The following ANKS1B variants were observed in gnomAD, a reference collection of about 807,000 sequenced individuals.
The protein encoded by ANKS1B is ankyrin repeat and sterile alpha motif domain-containing protein 1B.
In ANKS1B, 36 loss-of-function variants were observed where a neutral mutation model predicts 148.3. That is an observed-to-expected ratio of 0.24 (90% confidence interval 0.19 to 0.32). The LOEUF is 0.32. Ranked by LOEUF, ANKS1B falls within the 10% of genes least tolerant of loss-of-function variation. The pLI, the probability that ANKS1B is intolerant of heterozygous loss-of-function variation, is 1.00. For missense variants in ANKS1B, 1,157 were observed against 1,542.6 expected, an observed-to-expected ratio of 0.75 and a Z score of 4.19; for synonymous variants, 542 against 560.8, an observed-to-expected ratio of 0.97 and a Z score of 0.47.
At chr12:99,608,981 C>G (rs2097875699) in intron 9 of ANKS1B, among the ~76,000 whole-genome samples, 1 of 151,970 alleles carries the variant, frequency 6.6e-6, no homozygotes, top group Non-Finnish European at 1.5e-5. Flanking sequence ...AGGAGTCAAT[C>G]TGGGGAGATC....
chr12:99,044,685 C>T (rs7311721), intron 17 of ANKS1B, among the ~76,000 whole-genome samples: 85,961 of 151,886 alleles, frequency 0.57, 25,223 homozygotes, highest in East Asian at 0.74. Context: ...CAGCTCCCAG[C>T]GTAACTCTGG....
chr12:99,835,290 G>C (rs1023529411), intron 1 of ANKS1B, among the ~76,000 whole-genome samples: 4 of 151,266 alleles, frequency 2.6e-5, no homozygotes, highest in African/African-American at 4.9e-5. Context: ...AATTAGCCAG[G>C]CATGGTGGCA....
intron 12 of ANKS1B, among the ~76,000 whole-genome samples, chr12:99,378,499 C>CA (rs1346555608): frequency 6.6e-6 from 1 of 151,452 alleles, no homozygotes; most frequent in African/African-American, 2.4e-5. Context: ...ACTAAAAATA[C>CA]AAAAAATTAG....
chr12:98,835,183 C>A (rs1215131690), intron 17 of ANKS1B, among the ~76,000 whole-genome samples: 2 of 151,810 alleles, frequency 1.3e-5, no homozygotes, highest in African/African-American at 4.8e-5. Context: ...TGATGTAATC[C>A]CCACTATTGC....
intron 9 of ANKS1B, among the ~76,000 whole-genome samples, chr12:99,578,913 C>G (rs2097543571): frequency 6.6e-6 from 1 of 151,984 alleles, no homozygotes; most frequent in Non-Finnish European, 1.5e-5. Flanking sequence ...ACAAAAAGAA[C>G]AATGCCAGTG....
intron 14 of ANKS1B, among the ~76,000 whole-genome samples, chr12:99,156,761 A>G (rs1601228261): frequency 1.3e-5 from 2 of 152,142 alleles, no homozygotes; most frequent in African/African-American, 2.4e-5. Context: ...ATTGTAACAG[A>G]TATTTTCTGC....
intron 1 of ANKS1B, among the ~76,000 whole-genome samples, chr12:99,839,619 T>C (rs2085385378): frequency 6.6e-6 from 1 of 152,168 alleles, no homozygotes; most frequent in Non-Finnish European, 1.5e-5. Context: ...ACATAGTGAA[T>C]ACTATGTGCC....
At chr12:99,258,615 T>TTG (rs1566753485) in intron 12 of ANKS1B, among the ~76,000 whole-genome samples, 1 of 150,884 alleles carries the variant, frequency 6.6e-6, no homozygotes, top group African/African-American at 2.4e-5. Context: ...CACTTGTTTT[T>TTG]TTTTTTTTTT....
chr12:99,567,603 T>A (rs921227883), intron 9 of ANKS1B, among the ~76,000 whole-genome samples: 2 of 151,956 alleles, frequency 1.3e-5, no homozygotes, highest in South Asian at 2.1e-4. Context: ...GAAAAGTGGG[T>A]AAGAAAAGGT....
intron 4 of ANKS1B, among the ~76,000 whole-genome samples, chr12:99,798,617 C>T (rs1265611993): frequency 2.0e-5 from 3 of 151,314 alleles, no homozygotes; most frequent in Non-Finnish European, 4.4e-5. Context: ...GAAGAGAGTG[C>T]CAAAGAATAA....
chr12:99,079,575 A>T (rs1469278035), intron 16 of ANKS1B, among the ~76,000 whole-genome samples: 1 of 152,182 alleles, frequency 6.6e-6, no homozygotes, highest in Non-Finnish European at 1.5e-5. Context: ...GTCATCAAAT[A>T]TTTTTGGGTT....
At chr12:99,241,906 ATAAGAG>A (rs2089412541) in intron 14 of ANKS1B, among the ~76,000 whole-genome samples, 1 of 152,214 alleles carries the variant, frequency 6.6e-6, no homozygotes, top group Non-Finnish European at 1.5e-5. Flanking sequence ...TCTCAAAATA[ATAAGAG>A]CTATTTATGA....
intron 17 of ANKS1B, among the ~76,000 whole-genome samples, chr12:98,967,149 A>G (rs2099878817): frequency 6.6e-6 from 1 of 152,204 alleles, no homozygotes; most frequent in African/African-American, 2.4e-5. Context: ...GGGTGCTTTG[A>G]CAATCCCAAG....
At chr12:99,590,822 A>G (rs2097695694) in intron 9 of ANKS1B, among the ~76,000 whole-genome samples, 1 of 152,184 alleles carries the variant, frequency 6.6e-6, no homozygotes, top group Non-Finnish European at 1.5e-5. Flanking sequence ...GTGAAGGCGT[A>G]TTTTTGTGTC....
rs1030030681 is a variant in ANKS1B at position 99,835,701 on chromosome 12, A to G, written c.135-10312T>C. 2.0e-5 allele frequency among the ~76,000 whole-genome samples: 3 copies of G among 152,314 alleles called. No homozygotes were observed. In the East Asian group the frequency reaches 5.8e-4, roughly 29 times the overall value. On this transcript the variant is annotated intron_variant, in intron 1 of 26. Transcript: ENST00000683438. ...TCAAATGCTTAATATCCTGATGTGG[A>G]CAGTGGCTACTATATTGCACAGCAC...
At chr12:99,430,909 A>G (rs957225225) in intron 11 of ANKS1B, among the ~76,000 whole-genome samples, 7 of 152,290 alleles carry the variant, frequency 4.6e-5, no homozygotes, top group South Asian at 2.1e-4. Context: ...ATTTGGTTTC[A>G]ATTTGTCTAA....
Position 98,914,662 on chromosome 12 carries a change from C to T in ANKS1B, c.2779-82526G>A, listed in dbSNP as rs949811029. ...CTCCCTTCACTGTTGAGTGAACACT[C>T]CAGGCATTTTTCTACATCGGGGTGT... On this transcript the variant is annotated intron_variant, in intron 17 of 26. Coordinates refer to ENST00000683438, the MANE Select transcript of ANKS1B (RefSeq NM_001352186.2). 2.6e-5 allele frequency among the ~76,000 whole-genome samples: 4 copies of T among 152,244 alleles called. No homozygotes were observed. The South Asian group carries it at 8.3e-4, about 32-fold the overall frequency.
intron 10 of ANKS1B, among the ~76,000 whole-genome samples, chr12:99,498,375 T>C (rs1425023374): frequency 6.6e-6 from 1 of 152,190 alleles, no homozygotes; most frequent in Non-Finnish European, 1.5e-5. Flanking sequence ...CAAGTGGGCA[T>C]AGTCTCTGAA....
chr12:99,589,907 C>G (rs79998710), intron 9 of ANKS1B, among the ~76,000 whole-genome samples: 2,869 of 152,142 alleles, frequency 0.019, 82 homozygotes, highest in South Asian at 0.075. Flanking sequence ...CACACTATAT[C>G]TTTGTATTAA....
Sources: allele counts gnomAD v4.1 joint callset (sites outside exome capture counted in the v4.1 genomes callset), GRCh38; gene constraint gnomAD v4.1.1; transcripts MANE v1.5; gene names NCBI Gene and HGNC (gene_info 2026-07-23, HGNC 2026-07-21).